The following PPM1L variants were observed in gnomAD, a reference collection of about 807,000 sequenced individuals.
The protein encoded by PPM1L is protein phosphatase, Mg2+/Mn2+ dependent 1L.
A neutral mutation model predicts 31.4 loss-of-function variants in PPM1L; 13 were observed. That is an observed-to-expected ratio of 0.41 (90% CI 0.27 to 0.66). The LOEUF (loss-of-function observed/expected upper bound fraction) is 0.66, where lower values mean the gene tolerates loss of function less well. PPM1L is among the 30% of genes least tolerant of loss of function. The probability of loss-of-function intolerance (pLI) is 0.29; values close to 1 mark genes in which losing one functional copy is unlikely to be tolerated. For synonymous variants in PPM1L, 184 were observed against 175.4 expected (o/e 1.05, Z -0.39); for missense variants, 326 against 453.7 (o/e 0.72, Z 2.56).
chr3:160,937,953 A>C (rs1384048173), intron 1 of PPM1L, among the ~76,000 whole-genome samples: 1 of 152,170 alleles, frequency 6.6e-6, no homozygotes, highest in African/African-American at 2.4e-5. Flanking sequence ...TTGATACTTA[A>C]ATTTATTTTA....
At chr3:160,787,925 G>C (rs2108071305) in intron 1 of PPM1L, among the ~76,000 whole-genome samples, 1 of 152,160 alleles carries the variant, frequency 6.6e-6, no homozygotes, top group South Asian at 2.1e-4. Flanking sequence ...GATGGTTATA[G>C]GTGTGTGGCT....
At chr3:160,838,654 T>A (rs569886391) in intron 1 of PPM1L, among the ~76,000 whole-genome samples, 21 of 152,196 alleles carry the variant, frequency 1.4e-4, no homozygotes, top group Non-Finnish European at 2.6e-4. Context: ...AAACCTCTTT[T>A]CTAAAGATTA....
intron 1 of PPM1L, among the ~76,000 whole-genome samples, chr3:160,956,970 C>G (rs1296323259): frequency 1.3e-5 from 2 of 152,186 alleles, no homozygotes; most frequent in Non-Finnish European, 2.9e-5. Flanking sequence ...AAGATACAGT[C>G]CTTATTTCCA....
At chr3:160,974,333 C>A (rs947170245) in intron 2 of PPM1L, among the ~76,000 whole-genome samples, 5 of 151,968 alleles carry the variant, frequency 3.3e-5, no homozygotes, top group African/African-American at 1.2e-4. Context: ...AATAAACATA[C>A]ATGTGCATGT....
At chr3:161,048,676 A>C (rs1052208443) in intron 2 of PPM1L, among the ~76,000 whole-genome samples, 17 of 152,150 alleles carry the variant, frequency 1.1e-4, no homozygotes, top group Non-Finnish European at 5.9e-5. Flanking sequence ...ACTTGGAACC[A>C]ACCCAAATGT....
chr3:160,974,178 A>G (rs1479591757), intron 2 of PPM1L, among the ~76,000 whole-genome samples: 2 of 151,744 alleles, frequency 1.3e-5, no homozygotes, highest in African/African-American at 2.4e-5. Flanking sequence ...AATTTCATCT[A>G]TGTCCCTACA....
chr3:160,819,976 G>T (rs1713144678), intron 1 of PPM1L, among the ~76,000 whole-genome samples: 1 of 152,046 alleles, frequency 6.6e-6, no homozygotes, highest in Admixed American at 6.6e-5. Context: ...ACACTGGCAA[G>T]AATTTTGATC....
intron 1 of PPM1L, among the ~76,000 whole-genome samples, chr3:160,813,315 G>C (rs956737009): frequency 1.3e-5 from 2 of 151,856 alleles, no homozygotes; most frequent in African/African-American, 4.8e-5. Flanking sequence ...ACATTTTCAA[G>C]TTTAAAAAAA....
chr3:160,864,126 G>A (rs1474657571), intron 1 of PPM1L, among the ~76,000 whole-genome samples: 5 of 151,978 alleles, frequency 3.3e-5, no homozygotes, highest in Admixed American at 6.6e-5. Flanking sequence ...GAAAAATCTT[G>A]TCCCAAAAAG....
chr3:160,923,790 T>C (rs1714498254), intron 1 of PPM1L, among the ~76,000 whole-genome samples: 1 of 152,204 alleles, frequency 6.6e-6, no homozygotes, highest in Admixed American at 6.5e-5. Flanking sequence ...AAAATAGTGT[T>C]TTCAGTAGAG....
At chr3:160,872,837 G>A (rs189619411) in intron 1 of PPM1L, among the ~76,000 whole-genome samples, 123 of 152,166 alleles carry the variant, frequency 8.1e-4, no homozygotes, top group African/African-American at 2.9e-3. Context: ...TGGGACAGGA[G>A]AATCGCTTGA....
intron 2 of PPM1L, among the ~76,000 whole-genome samples, chr3:161,009,640 G>T (rs1717825760): frequency 6.6e-6 from 1 of 152,080 alleles, no homozygotes; most frequent in East Asian, 1.9e-4. Context: ...TCCCTCCCCT[G>T]CCGCTGGCTA....
At chr3:160,950,657 G>C (rs114393995) in intron 1 of PPM1L, among the ~76,000 whole-genome samples, 2,145 of 152,268 alleles carry the variant, frequency 0.014, 46 homozygotes, top group African/African-American at 0.048. Flanking sequence ...GGCCCAGTAG[G>C]AGATCTCTGG....
chr3:160,920,089 AC>A (rs1414014953), intron 1 of PPM1L, among the ~76,000 whole-genome samples: 1 of 151,938 alleles, frequency 6.6e-6, no homozygotes, highest in Non-Finnish European at 1.5e-5. Flanking sequence ...CCACTTTACC[AC>A]GTCTGAAATG....
chr3:160,819,740 C>T (rs1376962551), intron 1 of PPM1L, among the ~76,000 whole-genome samples: 3 of 151,942 alleles, frequency 2.0e-5, no homozygotes, highest in African/African-American at 4.8e-5. Flanking sequence ...CCTTCTCTAT[C>T]TGCTAGCATG....
chr3:160,786,554 C>T (rs1350533068), intron 1 of PPM1L, among the ~76,000 whole-genome samples: 1 of 149,670 alleles, frequency 6.7e-6, no homozygotes, highest in Non-Finnish European at 1.5e-5. Flanking sequence ...AGTTGAACAT[C>T]TTCTTATGGA....
intron 1 of PPM1L, among the ~76,000 whole-genome samples, chr3:160,812,962 C>T (rs1416970447): frequency 6.6e-6 from 1 of 152,174 alleles, no homozygotes; most frequent in African/African-American, 2.4e-5. Context: ...CCTTCCAGAA[C>T]AGAATTTCTT....
At chr3:160,945,114 TATC>T (rs1715362864) in intron 1 of PPM1L, among the ~76,000 whole-genome samples, 1 of 8,494 alleles carries the variant, frequency 1.2e-4, no homozygotes, top group East Asian at 1.3e-3. Flanking sequence ...ACATATATGT[TATC>T]TATCTATCTA....
chr3:160,920,613 T>TCACACACA (rs1342261518), intron 1 of PPM1L, among the ~76,000 whole-genome samples: 8 of 26,976 alleles, frequency 3.0e-4, no homozygotes, highest in African/African-American at 7.8e-4. Context: ...TCTCTCTCTC[T>TCACACACA]CTCACACACA....
Sources: gnomAD v4.1 joint callset for allele counts (sites outside exome capture counted in the v4.1 genomes callset) on GRCh38, gnomAD v4.1.1 for gene constraint, MANE v1.5 for transcripts, NCBI Gene and HGNC (gene_info 2026-07-23, HGNC 2026-07-21) for gene names.